The following ANP32B variants were observed in gnomAD, a reference collection of about 807,000 sequenced individuals.
ANP32B encodes acidic leucine-rich nuclear phosphoprotein 32 family member B.
In ANP32B, 6 loss-of-function variants were observed where a neutral mutation model predicts 32.2. That is an observed-to-expected ratio of 0.19 (90% CI 0.10 to 0.37). The LOEUF (loss-of-function observed/expected upper bound fraction) is 0.37. Among genes scored for constraint, ANP32B ranks in the 10% least tolerant of loss-of-function variants. ANP32B has a pLI of 1.00. For synonymous variants in ANP32B, 98 were observed against 105.8 expected (o/e 0.93, Z 0.45); for missense variants, 204 against 289.2 (o/e 0.71, Z 2.14).
At chr9:97,998,760 C>A (rs1310020147) in intron 3 of ANP32B, 82 bp downstream of exon 3, 2 of 899,792 alleles carry the variant, frequency 2.2e-6, no homozygotes, top group South Asian at 2.1e-5. Context: ...AAATTACTGG[C>A]AATAATAATT....
At chr9:98,005,472 T>C (rs1168903462) in intron 4 of ANP32B, among the ~76,000 whole-genome samples, 1 of 151,874 alleles carries the variant, frequency 6.6e-6, no homozygotes, top group Non-Finnish European at 1.5e-5. Context: ...CAGTGAGCCA[T>C]GATTGTTCCC....
At chr9:98,013,716 T>C (rs1198373233) in intron 6 of ANP32B, among the ~76,000 whole-genome samples, 1 of 151,758 alleles carries the variant, frequency 6.6e-6, no homozygotes, top group Non-Finnish European at 1.5e-5. Context: ...CTGGCCAACA[T>C]GGTAAAATCC....
At chr9:98,008,012 CT>C (rs557797672) in intron 4 of ANP32B, among the ~76,000 whole-genome samples, 6 of 149,444 alleles carry the variant, frequency 4.0e-5, no homozygotes, top group Admixed American at 1.3e-4. Flanking sequence ...AGTGGTAAAA[CT>C]TTTTTTTTTA....
chr9:97,993,050 A>G (rs1404988084), intron 1 of ANP32B, among the ~76,000 whole-genome samples: 2 of 152,216 alleles, frequency 1.3e-5, no homozygotes, highest in Non-Finnish European at 2.9e-5. Flanking sequence ...TGACCTATTA[A>G]GTTTTCAGAT....
intron 4 of ANP32B, among the ~76,000 whole-genome samples, chr9:98,006,331 C>T (rs1246214806): frequency 6.6e-6 from 1 of 152,180 alleles, no homozygotes; most frequent in Non-Finnish European, 1.5e-5. Flanking sequence ...TGGTGACAGG[C>T]TTTAAGTCAG....
At chr9:98,010,693 A>G (rs1463272570) in intron 4 of ANP32B, among the ~76,000 whole-genome samples, 1 of 152,134 alleles carries the variant, frequency 6.6e-6, no homozygotes, top group Non-Finnish European at 1.5e-5. Flanking sequence ...GAACTGCCGC[A>G]CTAGAGGTCC....
rs1172000875 is a variant in ANP32B at position 97,983,588 on chromosome 9, G to A, written c.33G>A (p.Leu11=). The stretch of plus-strand genomic sequence containing the variant: ...TGAAGAGGAGGATCCACCTGGAGCT[G>A]AGGAACCGGACCCCGGCAGCTGTAA... MDMKRRIHLE[L]RNRTPAAVRE... is the part of the protein sequence containing the mutation. Residue 11 remains leucine, a synonymous_variant, in exon 1 of 7, where the codon CTG becomes CTA. Coordinates refer to ENST00000339399, the MANE Select transcript of ANP32B (RefSeq NM_006401.3). 4.4e-6 allele frequency: 7 copies of A among 1,585,658 alleles called. No individual in the cohort carries two copies. The East Asian group carries it at 1.6e-4, about 37-fold the overall frequency.
chr9:97,984,383 GC>G (rs1274321427), intron 1 of ANP32B, among the ~76,000 whole-genome samples: 17 of 151,460 alleles, frequency 1.1e-4, no homozygotes, highest in African/African-American at 3.4e-4. Context: ...TTCGCCCTCG[GC>G]CTTGCCCACT....
chr9:98,000,556 C>T (rs1037651183), intron 3 of ANP32B, among the ~76,000 whole-genome samples: 2 of 152,250 alleles, frequency 1.3e-5, no homozygotes, highest in African/African-American at 4.8e-5. Context: ...TGACTGTCCT[C>T]TTTTTAGAGA....
chr9:98,002,462 T>C (rs1043609919), intron 3 of ANP32B: 3 of 152,168 alleles, frequency 2.0e-5, no homozygotes, highest in Non-Finnish European at 2.9e-5. Context: ...AAATTTCTGG[T>C]ATGGTAGAGT....
At chr9:98,002,638 A>G (rs1211167932) in intron 3 of ANP32B, among the ~76,000 whole-genome samples, 1 of 151,942 alleles carries the variant, frequency 6.6e-6, no homozygotes, top group Non-Finnish European at 1.5e-5. Context: ...CTTTCATTTC[A>G]TTTTTCAAAC....
chr9:98,015,312 C>T (rs1828256163), intron 6 of ANP32B, 52 bp from the exon 7 acceptor site: 1 of 1,542,402 alleles, frequency 6.5e-7, no homozygotes, highest in Admixed American at 2.0e-5. Context: ...TGGCAATAAT[C>T]TAAGCAAAAT....
At chr9:97,993,995 A>G (rs1326365875) in intron 1 of ANP32B, among the ~76,000 whole-genome samples, 2 of 152,212 alleles carry the variant, frequency 1.3e-5, no homozygotes, top group African/African-American at 4.8e-5. Context: ...TGAAAATGCA[A>G]TTTAATTTAT....
intron 4 of ANP32B, among the ~76,000 whole-genome samples, chr9:98,008,435 C>A (rs979811757): frequency 6.6e-6 from 1 of 152,176 alleles, no homozygotes; most frequent in Non-Finnish European, 1.5e-5. Context: ...ATGAATAAGC[C>A]AGGTCAATCG....
intron 1 of ANP32B, among the ~76,000 whole-genome samples, chr9:97,985,798 C>T (rs901064997): frequency 3.3e-5 from 5 of 152,150 alleles, no homozygotes; most frequent in African/African-American, 9.7e-5. Context: ...ACATGTATAT[C>T]TACAGGTGTT....
rs906718166 is a variant in ANP32B at position 97,988,178 on chromosome 9, C to T, written c.54+4569C>T. On this transcript the variant is annotated intron_variant, in intron 1 of 6. Coordinates refer to ENST00000339399, the MANE Select transcript of ANP32B (RefSeq NM_006401.3). ...ATACAGTCAACATCTTTGTGTGTGT[C>T]CTTATTTTATAGACTCATTATTAAT... 3.3e-5 allele frequency among the ~76,000 whole-genome samples: 5 copies of T among 151,474 alleles called. No homozygotes were observed. The South Asian group carries it at 6.3e-4, about 19-fold the overall frequency.
intron 1 of ANP32B, chr9:97,984,467 C>G (rs1462643273): frequency 6.6e-6 from 1 of 151,586 alleles, no homozygotes; most frequent in Non-Finnish European, 1.5e-5. Context: ...TCCCCCTGTG[C>G]CGCGGCGGCG....
chr9:98,015,448 C>T lies in ANP32B; in HGVS notation c.*17C>T. On this transcript the variant is annotated 3_prime_UTR_variant, in exon 7 of 7. Transcript: ENST00000339399. Reference sequence around the variant, plus strand: ...GATGATTAAGACCCCAGATGACCTGCAGAAACAGAACTGTTCAGTATTGGT... The same window carrying T: ...GATGATTAAGACCCCAGATGACCTGTAGAAACAGAACTGTTCAGTATTGGT... 1 of 1,548,078 alleles carries T rather than the reference C, an allele frequency of 6.5e-7. No homozygotes were observed. The highest frequency in any genetic ancestry group is 8.7e-7 in the Non-Finnish European group (1 of 1,146,318).
chr9:98,003,376 A>G (rs1274838252), intron 3 of ANP32B, among the ~76,000 whole-genome samples: 1 of 152,140 alleles, frequency 6.6e-6, no homozygotes, highest in Non-Finnish European at 1.5e-5. Context: ...TAAGGGCCAA[A>G]TAGTAGGTTC....
Sources: allele counts gnomAD v4.1 joint callset (sites outside exome capture counted in the v4.1 genomes callset), GRCh38; gene constraint gnomAD v4.1.1; transcripts MANE v1.5; gene names NCBI Gene and HGNC (gene_info 2026-07-23, HGNC 2026-07-21).